The following MEI4 variants were observed in gnomAD, a reference collection of about 807,000 sequenced individuals.
MEI4 encodes meiotic double-stranded break formation protein 4.
Under a neutral mutation model 31.4 loss-of-function variants are expected in MEI4, and 27 were observed. The observed-to-expected ratio is 0.86, with a 90% confidence interval of 0.63 to 1.19. The LOEUF (loss-of-function observed/expected upper bound fraction) is 1.19. Among genes scored for constraint, MEI4 ranks in the 50% most tolerant of loss-of-function variants. The pLI, the probability that MEI4 is intolerant of heterozygous loss-of-function variation, is 0.00. For synonymous variants in MEI4, 122 were observed against 145.4 expected, an observed-to-expected ratio of 0.84 and a Z score of 1.16; for missense variants, 329 against 398.9, an observed-to-expected ratio of 0.82 and a Z score of 1.49.
chr6:77,741,096 C>T (rs529888697), intron 2 of MEI4, among the ~76,000 whole-genome samples: 1 of 152,064 alleles, frequency 6.6e-6, no homozygotes. Flanking sequence ...CAGTACACAT[C>T]TGGATTATGG....
chr6:77,760,886 T>C (rs977041406), intron 2 of MEI4, among the ~76,000 whole-genome samples: 1 of 152,198 alleles, frequency 6.6e-6, no homozygotes, highest in Non-Finnish European at 1.5e-5. Context: ...GAATGAGAGA[T>C]AATGACCTGA....
rs994485048 is a variant in MEI4 at position 77,923,117 on chromosome 6, A to G, written c.929A>G (p.Tyr310Cys). Residue 310 changes from tyrosine to cysteine, a missense_variant, in exon 5 of 5, where the codon TAT (tyrosine) becomes TGT (cysteine). Transcript: ENST00000684080. ...CAAGCCAGTTATGATGTGTCACGCT[A>G]TGAAAACATTTTCTACCTGTTCTGG... is the stretch of plus-strand genomic sequence containing the variant. ...QEQASYDVSR[Y>C]ENIFYLFWVL... 101 of 1,230,196 alleles carry G rather than the reference A, an allele frequency of 8.2e-5. No individual in the cohort carries two copies. Among genetic ancestry groups the G allele is most frequent in the Non-Finnish European group, 9.6e-5 (95 of 986,628 alleles). 76.2% of individuals were successfully genotyped at this position (1,230,196 alleles called of 1,614,324 possible).
rs542657536 is a variant in MEI4, at chr6:77,916,447, T to C, written c.901-6642T>C. ...AAAGATAATTCCATTATTTTGGTTA[T>C]ATTAGGCACATGGTGTTGGTTAGTT... On this transcript the variant is annotated intron_variant, in intron 4 of 4. Transcript: ENST00000684080. Among the ~76,000 whole-genome samples the C allele has an allele frequency of 2.3e-3, 355 of 152,214 alleles. 3 individuals carry two copies. Among genetic ancestry groups the C allele is most frequent in the African/African-American group, 7.6e-3 (317 of 41,576 alleles).
intron 2 of MEI4, among the ~76,000 whole-genome samples, chr6:77,734,294 TA>T (rs149197177): frequency 0.023 from 3,480 of 152,158 alleles, 168 homozygotes; most frequent in African/African-American, 0.079. Flanking sequence ...GGGCTTGCTT[TA>T]TGAATCTGGG....
At chr6:77,915,547 T>C (rs943095059) in intron 4 of MEI4, among the ~76,000 whole-genome samples, 1 of 152,084 alleles carries the variant, frequency 6.6e-6, no homozygotes, top group African/African-American at 2.4e-5. Flanking sequence ...GCTTTTCTCT[T>C]GCTATTGCTC....
At chr6:77,874,086 G>A (rs1313065616) in intron 4 of MEI4, among the ~76,000 whole-genome samples, 7 of 152,032 alleles carry the variant, frequency 4.6e-5, no homozygotes, top group Non-Finnish European at 7.4e-5. Flanking sequence ...TTGGCGATGT[G>A]GGCTCTTTTT....
rs1371525454 is a variant in MEI4, at chr6:77,680,196, G to A, written c.-14-10462G>A. Among the ~76,000 whole-genome samples the A allele has an allele frequency of 2.0e-5, 3 of 149,930 alleles. No homozygotes were observed. In the South Asian group the frequency reaches 6.3e-4, roughly 32 times the overall value. ...CAGGAGGCTGAGGCAGCAGAATGGC[G>A]TGAACCTGGGAGGCGGAGCTTGCAG... On this transcript the variant is annotated intron_variant, in intron 1 of 4. Coordinates refer to ENST00000684080, the MANE Select transcript of MEI4 (RefSeq NM_001322247.2).
chr6:77,733,829 G>C (rs9448183), intron 2 of MEI4, among the ~76,000 whole-genome samples: 80,364 of 151,610 alleles, frequency 0.53, 22,908 homozygotes, highest in East Asian at 0.75. Context: ...TATGTTGTAT[G>C]TTTGTTCTTA....
At chr6:77,665,681 G>C (rs974775139) in intron 1 of MEI4, among the ~76,000 whole-genome samples, 1 of 152,202 alleles carries the variant, frequency 6.6e-6, no homozygotes, top group Non-Finnish European at 1.5e-5. Flanking sequence ...TTCCCAGTCC[G>C]TGACCGGCGC....
intron 4 of MEI4, among the ~76,000 whole-genome samples, chr6:77,916,370 A>G (rs1766547630): frequency 6.6e-6 from 1 of 152,040 alleles, no homozygotes; most frequent in Non-Finnish European, 1.5e-5. Context: ...CTGGTATATC[A>G]GTTGCTTTTC....
At chr6:77,739,190 CTTCTAGGGTT>C (rs1189814961) in intron 2 of MEI4, among the ~76,000 whole-genome samples, 6 of 150,744 alleles carry the variant, frequency 4.0e-5, no homozygotes, top group Non-Finnish European at 5.9e-5. Context: ...CCTAAGTTTT[CTTCTAGGGTT>C]TTTTTTGGTT....
rs1770190430 is a variant in MEI4 at position 77,835,378 on chromosome 6, AC to A, written c.900+6317del. ...TCCATAAGAAAACAAAACAAAACAC[AC>A]ACACACACACACACACACACACACA... On this transcript the variant is annotated intron_variant, in intron 4 of 4. Transcript: ENST00000684080. 7.7e-5 allele frequency among the ~76,000 whole-genome samples: 6 copies of A among 77,828 alleles called. No individual in the cohort carries two copies. In the East Asian group the frequency reaches 1.6e-3, roughly 20 times the overall value. The allele number at this position is 77,828 out of a possible 152,430, so 51.1% of individuals were successfully genotyped here.
At chr6:77,665,837 G>GGAGAGAGT (rs1176701109) in intron 1 of MEI4, among the ~76,000 whole-genome samples, 15 of 152,300 alleles carry the variant, frequency 9.8e-5, no homozygotes, top group Admixed American at 2.6e-4. Context: ...GAGAGAGTAA[G>GGAGAGAGT]AAGAGGTCGC....
intron 4 of MEI4, among the ~76,000 whole-genome samples, chr6:77,910,916 C>A (rs1276745235): frequency 7.3e-6 from 1 of 136,786 alleles, no homozygotes; most frequent in Non-Finnish European, 1.5e-5. Context: ...ACATTCTCAC[C>A]AGCTTCTGGT....
chr6:77,883,212 G>A (rs1164363467), intron 4 of MEI4, among the ~76,000 whole-genome samples: 1 of 151,996 alleles, frequency 6.6e-6, no homozygotes, highest in East Asian at 1.9e-4. Flanking sequence ...TATTTATGGA[G>A]TATGTGTGAT....
intron 1 of MEI4, among the ~76,000 whole-genome samples, chr6:77,681,254 G>A (rs1480039488): frequency 6.6e-6 from 1 of 152,040 alleles, no homozygotes; most frequent in Non-Finnish European, 1.5e-5. Flanking sequence ...GTTTTTCACC[G>A]CCAGGGTATA....
At position 77,744,595 on chromosome 6, in the gene MEI4, T is replaced by C. The variant is rs190553226; in HGVS notation, c.233-16535T>C. ...CCCAATCTAGCAAGGCAGGCCAACA[T>C]TCAGATTCAGGAAATACAGAGAACG... On this transcript the variant is annotated intron_variant, in intron 2 of 4. Transcript: ENST00000684080. Among the ~76,000 whole-genome samples, 792 of 152,206 alleles carry C rather than the reference T, an allele frequency of 5.2e-3. 7 individuals carry two copies. The highest frequency in any genetic ancestry group is 0.019 in the African/African-American group (773 of 41,520).
At chr6:77,754,744 C>T (rs1436697649) in intron 2 of MEI4, among the ~76,000 whole-genome samples, 1 of 152,116 alleles carries the variant, frequency 6.6e-6, no homozygotes, top group African/African-American at 2.4e-5. Flanking sequence ...TCAGGGAACC[C>T]ACAATCATGG....
chr6:77,830,399 C>T (rs1770048574), intron 4 of MEI4, among the ~76,000 whole-genome samples: 1 of 152,012 alleles, frequency 6.6e-6, no homozygotes, highest in Admixed American at 6.6e-5. Flanking sequence ...GCAATAGCTC[C>T]ATGAAGCGGT....
Sources: gnomAD v4.1 joint callset for allele counts (sites outside exome capture counted in the v4.1 genomes callset) on GRCh38, gnomAD v4.1.1 for gene constraint, MANE v1.5 for transcripts, NCBI Gene and HGNC (gene_info 2026-07-23, HGNC 2026-07-21) for gene names.